The following SLIT2 variants were observed in gnomAD, a reference collection of about 807,000 sequenced individuals.
SLIT2 encodes slit guidance ligand 2.
Under a neutral mutation model 185.7 loss-of-function variants are expected in SLIT2, and 41 were observed. The observed-to-expected ratio is 0.22, with a 90% confidence interval of 0.17 to 0.29. SLIT2 has a LOEUF of 0.29. Ranked by LOEUF, SLIT2 falls within the 10% of genes least tolerant of loss-of-function variation. The pLI is 1.00. For synonymous variants in SLIT2, 693 were observed against 680.2 expected (o/e 1.02, Z -0.29); for missense variants, 1,571 against 1,909.0 (o/e 0.82, Z 3.30).
chr4:20,439,077 C>T (rs1729557783), intron 4 of SLIT2, among the ~76,000 whole-genome samples: 1 of 152,220 alleles, frequency 6.6e-6, no homozygotes, highest in Admixed American at 6.5e-5. Context: ...CAGGGCGTTG[C>T]ACATGAAATG....
intron 4 of SLIT2, among the ~76,000 whole-genome samples, chr4:20,462,767 C>G (rs185322674): frequency 2.7e-4 from 41 of 152,276 alleles, no homozygotes; most frequent in African/African-American, 9.1e-4. Context: ...GATATAATTA[C>G]AAACTCCTCC....
At chr4:20,518,814 G>A (rs577769401) in intron 11 of SLIT2, among the ~76,000 whole-genome samples, 4 of 146,410 alleles carry the variant, frequency 2.7e-5, no homozygotes, top group Non-Finnish European at 6.0e-5. Context: ...CACTGTGTTA[G>A]CCAGGATGGT....
At chr4:20,447,776 A>G (rs567734226) in intron 4 of SLIT2, among the ~76,000 whole-genome samples, 7 of 152,356 alleles carry the variant, frequency 4.6e-5, no homozygotes, top group Non-Finnish European at 1.0e-4. Context: ...TCTCCTAAAC[A>G]CACGGACACA....
chr4:20,563,160 A>C (rs1380876623), intron 26 of SLIT2, among the ~76,000 whole-genome samples: 2 of 151,752 alleles, frequency 1.3e-5, no homozygotes, highest in Non-Finnish European at 2.9e-5. Context: ...TCTTTGAATT[A>C]TTAAGCTAAC....
chr4:20,569,132 T>C (rs775326912), intron 29 of SLIT2, 128 bp downstream of exon 29: 7 of 798,040 alleles, frequency 8.8e-6, no homozygotes, highest in Admixed American at 2.1e-5. Flanking sequence ...GAAAATCAGA[T>C]GTAATGTAAA....
At chr4:20,447,232 C>G (rs1007011387) in intron 4 of SLIT2, among the ~76,000 whole-genome samples, 4 of 152,198 alleles carry the variant, frequency 2.6e-5, no homozygotes, top group Non-Finnish European at 5.9e-5. Flanking sequence ...CAACAACTTT[C>G]AAGCCTAACA....
chr4:20,350,324 A>G (rs1044164341), intron 4 of SLIT2, among the ~76,000 whole-genome samples: 1 of 151,886 alleles, frequency 6.6e-6, no homozygotes, highest in African/African-American at 2.4e-5. Flanking sequence ...AATATCCTCC[A>G]ACCCAATTTT....
intron 4 of SLIT2, among the ~76,000 whole-genome samples, chr4:20,300,825 G>T (rs1339375876): frequency 1.3e-5 from 2 of 151,790 alleles, no homozygotes; most frequent in African/African-American, 4.8e-5. Flanking sequence ...ACTTAACTTT[G>T]TTTCTGCTAG....
intron 11 of SLIT2, among the ~76,000 whole-genome samples, chr4:20,515,549 C>A (rs1323370980): frequency 6.6e-6 from 1 of 152,136 alleles, no homozygotes; most frequent in Non-Finnish European, 1.5e-5. Flanking sequence ...CTCTCCTGCC[C>A]AGTATCTTGC....
intron 26 of SLIT2, among the ~76,000 whole-genome samples, chr4:20,560,720 A>G (rs1341823923): frequency 2.6e-5 from 4 of 151,932 alleles, no homozygotes; most frequent in Non-Finnish European, 4.4e-5. Context: ...GACATTTATT[A>G]AATAATTACA....
intron 29 of SLIT2, among the ~76,000 whole-genome samples, chr4:20,570,731 GTA>G (rs55841917): frequency 0.046 from 5,796 of 125,186 alleles, 151 homozygotes; most frequent in South Asian, 0.072. Context: ...ATATATATAT[GTA>G]TATATATATA....
At chr4:20,545,651 G>A (rs547472304) in intron 21 of SLIT2, among the ~76,000 whole-genome samples, 1 of 152,114 alleles carries the variant, frequency 6.6e-6, no homozygotes, top group Non-Finnish European at 1.5e-5. Flanking sequence ...TATTAAGGCA[G>A]CAATGAGTGG....
At chr4:20,598,703 A>G (rs1218440681) in intron 33 of SLIT2, among the ~76,000 whole-genome samples, 1 of 152,150 alleles carries the variant, frequency 6.6e-6, no homozygotes, top group Non-Finnish European at 1.5e-5. Context: ...AGGAGGGAGC[A>G]GTTATGGAAA....
intron 4 of SLIT2, among the ~76,000 whole-genome samples, chr4:20,464,119 CA>C (rs1359189076): frequency 6.6e-6 from 1 of 152,080 alleles, no homozygotes; most frequent in Middle Eastern, 3.2e-3. Context: ...ATGCCTCATG[CA>C]CTGTCCCAGA....
chr4:20,563,518 T>TAA (rs1724859941), intron 26 of SLIT2, among the ~76,000 whole-genome samples: 1 of 151,774 alleles, frequency 6.6e-6, no homozygotes, highest in Non-Finnish European at 1.5e-5. Flanking sequence ...TAAATCACAG[T>TAA]TGCTTTCCCT....
At chr4:20,507,991 T>G (rs1186657270) in intron 9 of SLIT2, among the ~76,000 whole-genome samples, 1 of 152,050 alleles carries the variant, frequency 6.6e-6, no homozygotes, top group African/African-American at 2.4e-5. Context: ...CAAAAAGAAT[T>G]ACTCTTAACT....
intron 5 of SLIT2, among the ~76,000 whole-genome samples, chr4:20,469,232 T>A (rs1714691168): frequency 6.6e-6 from 1 of 152,196 alleles, no homozygotes; most frequent in African/African-American, 2.4e-5. Flanking sequence ...TTGCCTTCAC[T>A]TAGCTGTAAA....
At chr4:20,476,856 G>A (rs7684843) in intron 5 of SLIT2, among the ~76,000 whole-genome samples, 23,003 of 152,140 alleles carry the variant, frequency 0.15, 1,804 homozygotes, top group Middle Eastern at 0.24. Flanking sequence ...GTAAGCAAAT[G>A]TTTAACCTTT....
intron 29 of SLIT2, among the ~76,000 whole-genome samples, chr4:20,576,488 T>C (rs1211805710): frequency 6.6e-6 from 1 of 152,184 alleles, no homozygotes; most frequent in Non-Finnish European, 1.5e-5. Flanking sequence ...ATTTTGTGTA[T>C]ATTTTTAGAT....
Sources: gnomAD v4.1 joint callset for allele counts (sites outside exome capture counted in the v4.1 genomes callset) on GRCh38, gnomAD v4.1.1 for gene constraint, MANE v1.5 for transcripts, NCBI Gene and HGNC (gene_info 2026-07-23, HGNC 2026-07-21) for gene names.